CHLSN: variants seen among roughly 807,000 people sequenced by gnomAD.
CHLSN encodes protein cholesin.
the CHLSN span, among the ~76,000 whole-genome samples, chr7:1,008,853 A>AAACACACGTT: frequency 6.9e-6 from 1 of 145,538 alleles, no homozygotes; most frequent in Admixed American, 6.7e-5. Flanking sequence ...GCACACACGT[A>AAACACACGTT]AACACACGCA....
the CHLSN span, among the ~76,000 whole-genome samples, chr7:1,124,953 T>G: frequency 2.0e-5 from 3 of 152,098 alleles, no homozygotes; most frequent in Non-Finnish European, 4.4e-5. Flanking sequence ...GGACAAGCTG[T>G]CTGGCTGTGC....
At chr7:1,055,465 C>T in the CHLSN span, 1 of 460,752 alleles carries the variant, frequency 2.2e-6, no homozygotes, top group Non-Finnish European at 4.4e-6. Context: ...CACCAAGAGG[C>T]TTGGGCCACA....
chr7:1,092,803 G>A, the CHLSN span: 33 of 1,613,396 alleles, frequency 2.0e-5, no homozygotes, highest in Admixed American at 1.0e-4. Flanking sequence ...CCTGAAGGCC[G>A]TCATTCCAGA....
chr7:1,004,107 C>G, the CHLSN span, among the ~76,000 whole-genome samples: 16 of 151,996 alleles, frequency 1.1e-4, no homozygotes, highest in Non-Finnish European at 2.1e-4. Context: ...AGGGCTCCTG[C>G]GTGATGAGAG....
chr7:1,087,386 T>A, the CHLSN span: 2 of 152,276 alleles, frequency 1.3e-5, no homozygotes, highest in Admixed American at 1.3e-4. Context: ...TTGCAGATTT[T>A]GGAATATCTG....
At chr7:1,045,237 C>T in the CHLSN span, 3 of 152,218 alleles carry the variant, frequency 2.0e-5, no homozygotes, top group Non-Finnish European at 4.4e-5. Flanking sequence ...CTAAATTAGG[C>T]ATAAGTCTAT....
At chr7:1,036,771 CTGGCTCT>C in the CHLSN span, among the ~76,000 whole-genome samples, 1 of 123,762 alleles carries the variant, frequency 8.1e-6, no homozygotes, top group South Asian at 2.7e-4. Flanking sequence ...AGAGACATTT[CTGGCTCT>C]GAAGGCGAAC....
chr7:993,764 G>A, the CHLSN span, among the ~76,000 whole-genome samples: 10 of 152,280 alleles, frequency 6.6e-5, no homozygotes, highest in African/African-American at 2.2e-4. Context: ...ACGACAGAGC[G>A]GGACCCTGTC....
chr7:1,031,792 GTGGT>G, the CHLSN span, among the ~76,000 whole-genome samples: 1 of 71,578 alleles, frequency 1.4e-5, no homozygotes, highest in Non-Finnish European at 2.8e-5. Context: ...GGAGGGCAGA[GTGGT>G]CCGGGGCGGC....
chr7:1,000,413 C>T, the CHLSN span: 4 of 1,133,156 alleles, frequency 3.5e-6, 1 homozygote, highest in Non-Finnish European at 3.6e-6. Flanking sequence ...ACGTGCCTGC[C>T]CCGCCGTGCA....
At chr7:1,058,497 G>A in the CHLSN span, 13 of 779,698 alleles carry the variant, frequency 1.7e-5, no homozygotes, top group South Asian at 1.7e-4. Context: ...CCACATGGGG[G>A]TGCAGCAGGT....
At chr7:1,098,692 G>A in the CHLSN span, among the ~76,000 whole-genome samples, 15 of 152,114 alleles carry the variant, frequency 9.9e-5, no homozygotes, top group African/African-American at 3.1e-4. Context: ...AAGCAGACAC[G>A]AGTGGAGCTG....
At chr7:1,066,149 C>G in the CHLSN span, among the ~76,000 whole-genome samples, 2 of 152,264 alleles carry the variant, frequency 1.3e-5, no homozygotes, top group Admixed American at 1.3e-4. Context: ...TGCGCCGGTT[C>G]TGTTCCTGGA....
chr7:989,801 G>A, the CHLSN span, among the ~76,000 whole-genome samples: 114 of 152,258 alleles, frequency 7.5e-4, no homozygotes, highest in African/African-American at 2.6e-3. Flanking sequence ...AGGAAATGTC[G>A]AGCCACACAG....
At chr7:1,084,683 A>G in the CHLSN span, among the ~76,000 whole-genome samples, 1 of 152,244 alleles carries the variant, frequency 6.6e-6, no homozygotes, top group African/African-American at 2.4e-5. Context: ...GGGATCTCAC[A>G]GAACCGTGTA....
the CHLSN span, among the ~76,000 whole-genome samples, chr7:1,119,571 G>A: frequency 2.6e-5 from 4 of 152,226 alleles, no homozygotes; most frequent in South Asian, 8.3e-4. Flanking sequence ...TGCTGGCGAG[G>A]ACATGGAGAA....
At chr7:999,112 T>C in the CHLSN span, among the ~76,000 whole-genome samples, 1 of 152,212 alleles carries the variant, frequency 6.6e-6, no homozygotes, top group East Asian at 1.9e-4. Context: ...CACATATAAA[T>C]GGCTAACCAA....
At chr7:1,011,521 CCA>C in the CHLSN span, among the ~76,000 whole-genome samples, 1 of 148,262 alleles carries the variant, frequency 6.7e-6, no homozygotes, top group African/African-American at 2.6e-5. Flanking sequence ...ACACCCACAC[CCA>C]GACACCTGCA....
At chr7:1,100,473 C>T in the CHLSN span, among the ~76,000 whole-genome samples, 10 of 152,356 alleles carry the variant, frequency 6.6e-5, no homozygotes, top group Admixed American at 2.6e-4. Flanking sequence ...GGCCCATCTC[C>T]GCGGCAGGAG....
Sources: gnomAD v4.1 joint callset for allele counts (sites outside exome capture counted in the v4.1 genomes callset) on GRCh38, gnomAD v4.1.1 for gene constraint, MANE v1.5 for transcripts, NCBI Gene and HGNC (gene_info 2026-07-23, HGNC 2026-07-21) for gene names.